Variants in ATG4C observed in about 807,000 individuals in gnomAD.
ATG4C encodes the protein cysteine protease ATG4C.
A neutral mutation model predicts 57.6 loss-of-function variants in ATG4C; 56 were observed. The observed-to-expected ratio is 0.97, with a 90% confidence interval of 0.78 to 1.21. The LOEUF is 1.21. Among genes scored for constraint, ATG4C ranks in the 50% most tolerant of loss-of-function variants. The pLI, the probability that ATG4C is intolerant of heterozygous loss-of-function variation, is 0.00. For synonymous variants in ATG4C, 157 were observed against 174.1 expected, an observed-to-expected ratio of 0.90 and a Z score of 0.78; for missense variants, 595 against 529.8, an observed-to-expected ratio of 1.12 and a Z score of -1.21.
chr1:62,806,178 G>C (rs1664873590), intron 3 of ATG4C, among the ~76,000 whole-genome samples: 2 of 152,108 alleles, frequency 1.3e-5, no homozygotes, highest in Admixed American at 1.3e-4. Flanking sequence ...GGATAAGTAG[G>C]AATTTGATAA....
chr1:62,860,057 T>G (rs1666803845), intron 10 of ATG4C, among the ~76,000 whole-genome samples: 1 of 152,222 alleles, frequency 6.6e-6, no homozygotes, highest in Non-Finnish European at 1.5e-5. Flanking sequence ...TAAAATTTAT[T>G]CTTTTCCTTT....
intron 10 of ATG4C, among the ~76,000 whole-genome samples, chr1:62,842,279 C>T (rs1666194244): frequency 6.6e-6 from 1 of 150,496 alleles, no homozygotes; most frequent in Admixed American, 6.7e-5. Context: ...GTATGTAAGA[C>T]CAATACTCGT....
chr1:62,850,456 C>T (rs1019699692), intron 10 of ATG4C, among the ~76,000 whole-genome samples: 28 of 152,122 alleles, frequency 1.8e-4, no homozygotes, highest in African/African-American at 6.5e-4. Context: ...AGCTTTTTAA[C>T]TCAGAGTAAA....
intron 10 of ATG4C, among the ~76,000 whole-genome samples, chr1:62,861,231 A>G (rs1388900665): frequency 2.6e-5 from 4 of 152,148 alleles, no homozygotes; most frequent in African/African-American, 9.7e-5. Context: ...ACTATGTAAT[A>G]GAAGAATTAC....
chr1:62,784,591 C>T lies in ATG4C; in HGVS notation c.-69+318C>T, dbSNP rs535896594. On this transcript the variant is annotated intron_variant, in intron 1 of 10. Transcript: ENST00000317868. Reference sequence around the variant, plus strand: ...CCCTGATCTATCGCATCCATTTGACCCCTCCTCATGCCAGTGCTCTGTCGG... The same window carrying T: ...CCCTGATCTATCGCATCCATTTGACTCCTCCTCATGCCAGTGCTCTGTCGG... 6.6e-5 allele frequency among the ~76,000 whole-genome samples: 10 copies of T among 152,184 alleles called. No individual in the cohort carries two copies. In the East Asian group the frequency reaches 1.5e-3, roughly 23 times the overall value.
intron 1 of ATG4C, among the ~76,000 whole-genome samples, chr1:62,795,894 C>A (rs1048271125): frequency 2.0e-5 from 3 of 150,410 alleles, no homozygotes; most frequent in Non-Finnish European, 4.4e-5. Flanking sequence ...AGAAATAATT[C>A]ATAAGCGCCT....
chr1:62,802,026 A>G (rs1664696077), intron 1 of ATG4C, among the ~76,000 whole-genome samples: 1 of 151,138 alleles, frequency 6.6e-6, no homozygotes, highest in Non-Finnish European at 1.5e-5. Context: ...TGTTTCTCAG[A>G]GACATCTTAA....
intron 10 of ATG4C, among the ~76,000 whole-genome samples, chr1:62,849,403 T>A (rs1050014035): frequency 1.3e-5 from 2 of 152,210 alleles, no homozygotes; most frequent in Non-Finnish European, 2.9e-5. Context: ...TATCTCTGGC[T>A]TCTTTAATTT....
intron 7 of ATG4C, among the ~76,000 whole-genome samples, chr1:62,833,782 A>G (rs1665912684): frequency 6.6e-6 from 1 of 152,040 alleles, no homozygotes; most frequent in African/African-American, 2.4e-5. Context: ...TTATCTCTCT[A>G]TGTAGTAGTT....
At chr1:62,819,391 T>C in intron 5 of ATG4C, 56 bp downstream of exon 5, 3 of 1,420,684 alleles carry the variant, frequency 2.1e-6, no homozygotes, top group Non-Finnish European at 2.8e-6. Flanking sequence ...GATTAAGAGA[T>C]ACTGATTTTT....
chr1:62,802,320 G>A (rs12116713), intron 1 of ATG4C, among the ~76,000 whole-genome samples: 1 of 151,980 alleles, frequency 6.6e-6, no homozygotes, highest in Non-Finnish European at 1.5e-5. Context: ...TCCTTAATCC[G>A]AAAATCAGAA....
In ATG4C at chr1:62,816,721, T is replaced by C; in HGVS notation, c.307T>C (p.Leu103=). Residue 103 remains leucine (L), a synonymous_variant, in exon 4 of 11, where the codon TTG becomes CTG. Transcript: ENST00000317868. ...ATTCCCTCAAATAGAAGGCTCAGCT[T>C]TGACAACAGACTGTGGGTGGGGCTG... is the stretch of plus-strand genomic sequence containing the variant. The part of the protein sequence containing the change: ...EEFPQIEGSA[L]TTDCGWGCTL... 6.2e-7 allele frequency: 1 copy of C among 1,613,914 alleles called. No individual in the cohort carries two copies.
intron 10 of ATG4C, among the ~76,000 whole-genome samples, chr1:62,852,093 C>T (rs940753112): frequency 3.9e-5 from 6 of 152,140 alleles, no homozygotes; most frequent in African/African-American, 1.2e-4. Context: ...TTCATTCATT[C>T]GTTCATTCTC....
At chr1:62,802,104 A>G (rs1444487286) in intron 1 of ATG4C, among the ~76,000 whole-genome samples, 4 of 151,498 alleles carry the variant, frequency 2.6e-5, no homozygotes, top group African/African-American at 9.7e-5. Context: ...GATGTTTCCT[A>G]TCTCAGTGAT....
chr1:62,848,107 C>T (rs1397802833), intron 10 of ATG4C, among the ~76,000 whole-genome samples: 1 of 152,036 alleles, frequency 6.6e-6, no homozygotes, highest in Non-Finnish European at 1.5e-5. Flanking sequence ...ATAAAAGCCT[C>T]CTATTGTGAT....
chr1:62,849,501 A>G (rs1572168377), intron 10 of ATG4C, among the ~76,000 whole-genome samples: 1 of 151,280 alleles, frequency 6.6e-6, no homozygotes, highest in South Asian at 2.1e-4. Context: ...CAGTTTTTTT[A>G]TCTATCATAC....
chr1:62,845,762 C>T lies in ATG4C; in HGVS notation c.1209+4215C>T, dbSNP rs148858596. Among the ~76,000 whole-genome samples, 81 of 152,044 alleles carry T rather than the reference C, an allele frequency of 5.3e-4. No homozygotes were observed. The East Asian group carries it at 0.011, about 21-fold the overall frequency. ...AGTCACCCAGTCTGGAGTGCAGGGG[C>T]GCGATTTTGGCTCACTTCAACCTCC... On this transcript the variant is annotated intron_variant, in intron 10 of 10. Transcript: ENST00000317868.
intron 10 of ATG4C, among the ~76,000 whole-genome samples, chr1:62,846,882 A>G (rs1247898156): frequency 6.6e-6 from 1 of 152,138 alleles, no homozygotes; most frequent in Non-Finnish European, 1.5e-5. Flanking sequence ...CTTTCAAAAC[A>G]TAAGTCATAC....
intron 7 of ATG4C, among the ~76,000 whole-genome samples, chr1:62,830,751 T>C (rs986248261): frequency 2.6e-5 from 4 of 152,188 alleles, no homozygotes; most frequent in Non-Finnish European, 5.9e-5. Context: ...ATGTTCTTTT[T>C]CTTCAGCAAG....
Sources: allele counts gnomAD v4.1 joint callset (sites outside exome capture counted in the v4.1 genomes callset), GRCh38; gene constraint gnomAD v4.1.1; transcripts MANE v1.5; gene names NCBI Gene and HGNC (gene_info 2026-07-23, HGNC 2026-07-21).